The following SENP7 variants were observed in gnomAD, a reference collection of about 807,000 sequenced individuals.
SENP7 encodes SUMO specific peptidase 7, also known as sentrin-specific protease 7.
SENP7 carries 64 observed loss-of-function variants against 141.2 expected under a neutral mutation model. That is an observed-to-expected ratio of 0.45 (90% CI 0.37 to 0.56). The LOEUF (loss-of-function observed/expected upper bound fraction) is 0.56. Ranked by LOEUF, SENP7 falls within the 20% of genes least tolerant of loss-of-function variation. The pLI, the probability that SENP7 is intolerant of heterozygous loss-of-function variation, is 0.00. For synonymous variants in SENP7, 382 were observed against 426.4 expected (o/e 0.90, Z 1.28); for missense variants, 1,025 against 1,212.2 (o/e 0.85, Z 2.29).
chr3:101,420,192 C>A (rs2061746139), intron 4 of SENP7, among the ~76,000 whole-genome samples: 1 of 152,104 alleles, frequency 6.6e-6, no homozygotes, highest in Non-Finnish European at 1.5e-5. Context: ...ATGGTGAAAC[C>A]CCGTCTCTAC....
intron 3 of SENP7, among the ~76,000 whole-genome samples, chr3:101,462,495 C>T (rs1172800255): frequency 6.0e-5 from 9 of 151,040 alleles, no homozygotes; most frequent in Non-Finnish European, 1.2e-4. Context: ...GAGCCGAGAT[C>T]GCGCCATTAC....
chr3:101,457,452 T>C, intron 4 of SENP7: 7 of 1,599,450 alleles, frequency 4.4e-6, no homozygotes, highest in Non-Finnish European at 1.7e-6. Flanking sequence ...TGTCTCGGCA[T>C]GGCCTGTAAT....
intron 4 of SENP7, among the ~76,000 whole-genome samples, chr3:101,442,526 T>C (rs947515992): frequency 2.6e-5 from 4 of 152,168 alleles, no homozygotes; most frequent in African/African-American, 9.7e-5. Context: ...ACCCCCTGGC[T>C]CTGCGGCCTG....
At chr3:101,401,328 A>G (rs1438079752) in intron 5 of SENP7, among the ~76,000 whole-genome samples, 1 of 152,166 alleles carries the variant, frequency 6.6e-6, no homozygotes. Flanking sequence ...CAGGAATTCA[A>G]GACCAGCCTT....
intron 3 of SENP7, among the ~76,000 whole-genome samples, chr3:101,460,643 A>G (rs752178094): frequency 8.5e-5 from 13 of 152,226 alleles, no homozygotes; most frequent in Non-Finnish European, 1.5e-4. Context: ...GTATTTGGCA[A>G]TGACTTCACA....
chr3:101,366,839 T>C (rs1003439437), intron 8 of SENP7, 70 bp from the exon 9 acceptor site: 6 of 880,202 alleles, frequency 6.8e-6, no homozygotes, highest in Non-Finnish European at 6.8e-6. Flanking sequence ...TTTAAATTCC[T>C]AAAAAAAAGT....
At position 101,326,097 on chromosome 3, in the gene SENP7, AAG is replaced by A. The variant is rs763414589; in HGVS notation, c.3016-19_3016-18del. On this transcript the variant is annotated intron_variant, in intron 23 of 23. Coordinates refer to ENST00000394095, the MANE Select transcript of SENP7 (RefSeq NM_020654.5). ...AATAGGATCCTAATGAGAGGAAAAA[AAG>A]AGTGTAATCACTTTAGCAGCATAAT... 10 of 1,562,316 alleles carry A rather than the reference AAG, an allele frequency of 6.4e-6. No individual in the cohort carries two copies. The Admixed American group carries it at 7.7e-5, about 12-fold the overall frequency.
intron 16 of SENP7, among the ~76,000 whole-genome samples, chr3:101,339,773 T>A (rs1469555148): frequency 2.0e-5 from 3 of 151,834 alleles, no homozygotes; most frequent in African/African-American, 7.3e-5. Context: ...GTTTTTTAGT[T>A]CCCAAAATGA....
intron 6 of SENP7, among the ~76,000 whole-genome samples, chr3:101,394,714 G>GGT (rs2060918133): frequency 1.3e-5 from 2 of 151,726 alleles, no homozygotes; most frequent in African/African-American, 4.8e-5. Context: ...AGTTTTCTGA[G>GGT]AAATCTCCAT....
intron 5 of SENP7, among the ~76,000 whole-genome samples, chr3:101,416,273 C>G (rs903871258): frequency 6.6e-6 from 1 of 152,156 alleles, no homozygotes; most frequent in Non-Finnish European, 1.5e-5. Flanking sequence ...ATTTGAATTT[C>G]ATGAGCACAT....
At chr3:101,477,261 GA>G (rs986892475) in intron 3 of SENP7, among the ~76,000 whole-genome samples, 1 of 150,856 alleles carries the variant, frequency 6.6e-6, no homozygotes, top group African/African-American at 2.4e-5. Flanking sequence ...GACCACAATG[GA>G]AAAAAAAATT....
At chr3:101,507,453 C>G (rs1011782056) in intron 1 of SENP7, among the ~76,000 whole-genome samples, 1 of 152,338 alleles carries the variant, frequency 6.6e-6, no homozygotes, top group African/African-American at 2.4e-5. Flanking sequence ...ACCCCCTCAT[C>G]TACATCTTCT....
chr3:101,429,323 G>A (rs570776287), intron 4 of SENP7, among the ~76,000 whole-genome samples: 2 of 152,278 alleles, frequency 1.3e-5, no homozygotes, highest in East Asian at 1.9e-4. Flanking sequence ...TCCTATCCAT[G>A]AGCATGGAAT....
chr3:101,441,621 G>C (rs1161553689), intron 4 of SENP7, among the ~76,000 whole-genome samples: 3 of 152,074 alleles, frequency 2.0e-5, no homozygotes, highest in African/African-American at 7.2e-5. Flanking sequence ...ATTGTTTCCT[G>C]TCACCTACCT....
At chr3:101,425,022 A>G (rs1227134925) in intron 4 of SENP7, among the ~76,000 whole-genome samples, 1 of 152,152 alleles carries the variant, frequency 6.6e-6, no homozygotes, top group Non-Finnish European at 1.5e-5. Flanking sequence ...GTCCACCGCC[A>G]TGTAAGATGT....
chr3:101,456,457 T>A (rs1463498235), intron 4 of SENP7, among the ~76,000 whole-genome samples: 1 of 152,164 alleles, frequency 6.6e-6, no homozygotes, highest in African/African-American at 2.4e-5. Flanking sequence ...AATCTTTTTA[T>A]CCCCTAACAA....
intron 11 of SENP7, 116 bp downstream of exon 11, chr3:101,361,599 C>A: frequency 9.1e-7 from 1 of 1,104,480 alleles, no homozygotes; most frequent in Non-Finnish European, 1.2e-6. Flanking sequence ...TCCAAAGTGT[C>A]CCATATAAAA....
In SENP7 at chr3:101,328,508, G is replaced by C. The variant is rs199538843; in HGVS notation, c.2834C>G (p.Ser945Cys). ...ILILDSLKAASVQNTVQNLRE... is the reference protein window; with the variant it reads ...ILILDSLKAACVQNTVQNLRE... ...TAAATTCTGAACTGTGTTTTGTACA[G>C]AAGCAGCTTTCAAGGAGTCTAGTAT... The change falls in exon 22 of 24, where the codon TCT (serine) becomes TGT (cysteine). Residue 945 changes from serine to cysteine, a missense_variant. Coordinates refer to ENST00000394095, the MANE Select transcript of SENP7 (RefSeq NM_020654.5). The C allele has an allele frequency of 1.3e-4, 215 of 1,612,618 alleles. No individual in the cohort carries two copies. Among genetic ancestry groups the C allele is most frequent in the Middle Eastern group, 1.7e-4 (1 of 6,024 alleles).
At chr3:101,485,415 C>T (rs756950432) in intron 3 of SENP7, among the ~76,000 whole-genome samples, 47 of 152,130 alleles carry the variant, frequency 3.1e-4, no homozygotes, top group Non-Finnish European at 5.1e-4. Context: ...AGAGATCCAT[C>T]GATGACTCAC....
Sources: allele counts gnomAD v4.1 joint callset (sites outside exome capture counted in the v4.1 genomes callset), GRCh38; gene constraint gnomAD v4.1.1; transcripts MANE v1.5; gene names NCBI Gene and HGNC (gene_info 2026-07-23, HGNC 2026-07-21).